The following GLIS1 variants were observed in gnomAD, a reference collection of about 807,000 sequenced individuals.
GLIS1 encodes GLIS family zinc finger 1, also known as zinc finger protein GLIS1.
A neutral mutation model predicts 63.8 loss-of-function variants in GLIS1; 24 were observed. The ratio of observed to expected loss-of-function variants is 0.38; its 90% CI spans 0.27 to 0.53. The LOEUF (loss-of-function observed/expected upper bound fraction) is 0.53, where lower values mean the gene tolerates loss of function less well. Among genes scored for constraint, GLIS1 ranks in the 20% least tolerant of loss-of-function variants. GLIS1 has a pLI of 0.85. For synonymous variants in GLIS1, 450 were observed against 482.5 expected, an observed-to-expected ratio of 0.93 and a Z score of 0.88; for missense variants, 1,036 against 1,074.1, an observed-to-expected ratio of 0.96 and a Z score of 0.50.
intron 2 of GLIS1, among the ~76,000 whole-genome samples, chr1:53,721,646 C>T (rs2100551090): frequency 6.6e-6 from 1 of 152,258 alleles, no homozygotes; most frequent in South Asian, 2.1e-4. Flanking sequence ...TGTCTAAAGC[C>T]TTATTTTATT....
chr1:53,547,175 G>A (rs545735523), intron 4 of GLIS1, among the ~76,000 whole-genome samples: 30 of 152,330 alleles, frequency 2.0e-4, no homozygotes, highest in African/African-American at 6.7e-4. Context: ...GTTAGAGGAC[G>A]TCTACCCATT....
intron 6 of GLIS1, among the ~76,000 whole-genome samples, chr1:53,523,235 G>T (rs939690847): frequency 6.6e-6 from 1 of 152,076 alleles, no homozygotes; most frequent in Non-Finnish European, 1.5e-5. Context: ...TCACCAGAAA[G>T]CTCATGGCGC....
intron 2 of GLIS1, among the ~76,000 whole-genome samples, chr1:53,619,303 G>C (rs2100592026): frequency 6.6e-6 from 1 of 152,300 alleles, no homozygotes; most frequent in South Asian, 2.1e-4. Context: ...TGACAACATG[G>C]ACCAGAACTG....
At chr1:53,612,378 T>G (rs1285146019) in intron 2 of GLIS1, among the ~76,000 whole-genome samples, 3 of 152,130 alleles carry the variant, frequency 2.0e-5, no homozygotes, top group African/African-American at 7.2e-5. Flanking sequence ...TAGCTGGGAC[T>G]ACAGGTGCCC....
chr1:53,530,095 C>T, intron 4 of GLIS1, 143 bp from the exon 5 acceptor site: 1 of 723,146 alleles, frequency 1.4e-6, no homozygotes. Context: ...GGATCAGCTC[C>T]CCATGAAGTG....
chr1:53,562,377 G>C (rs566687100), intron 4 of GLIS1, among the ~76,000 whole-genome samples: 1 of 152,286 alleles, frequency 6.6e-6, no homozygotes, highest in Non-Finnish European at 1.5e-5. Context: ...GAATGAAACT[G>C]AGATGTCAGA....
chr1:53,564,652 A>G (rs1644921952), intron 4 of GLIS1, among the ~76,000 whole-genome samples: 1 of 152,270 alleles, frequency 6.6e-6, no homozygotes, highest in African/African-American at 2.4e-5. Context: ...TTTAAGGGGT[A>G]GAAAAAGATA....
chr1:53,514,474 G>A, intron 8 of GLIS1, 151 bp downstream of exon 8: 1 of 730,354 alleles, frequency 1.4e-6, no homozygotes. Flanking sequence ...CAAAGTGTGT[G>A]GAATGCAGTC....
chr1:53,551,122 C>T (rs943250019), intron 4 of GLIS1, among the ~76,000 whole-genome samples: 2 of 152,166 alleles, frequency 1.3e-5, no homozygotes, highest in African/African-American at 4.8e-5. Context: ...GCTGGGATTA[C>T]AGGCGTGAGC....
At chr1:53,557,075 A>C (rs958400671) in intron 4 of GLIS1, among the ~76,000 whole-genome samples, 6 of 151,570 alleles carry the variant, frequency 4.0e-5, no homozygotes, top group African/African-American at 1.5e-4. Context: ...GCAGGTGAGC[A>C]TATGTGTGTG....
chr1:53,618,959 C>T (rs1293085509), intron 2 of GLIS1, among the ~76,000 whole-genome samples: 1 of 152,206 alleles, frequency 6.6e-6, no homozygotes, highest in African/African-American at 2.4e-5. Flanking sequence ...GGCTTCAGTT[C>T]CCTTTTCTGT....
At chr1:53,552,200 C>G (rs970661675) in intron 4 of GLIS1, among the ~76,000 whole-genome samples, 20 of 152,148 alleles carry the variant, frequency 1.3e-4, no homozygotes, top group Non-Finnish European at 2.2e-4. Context: ...GTCCCCTAGC[C>G]TCTCCCCTAC....
At chr1:53,725,934 T>A (rs1208714490) in intron 2 of GLIS1, among the ~76,000 whole-genome samples, 1 of 152,204 alleles carries the variant, frequency 6.6e-6, no homozygotes, top group Admixed American at 6.5e-5. Flanking sequence ...GGCAGATTCA[T>A]CCTGCCAGGG....
intron 4 of GLIS1, among the ~76,000 whole-genome samples, chr1:53,555,771 G>A (rs950166046): frequency 1.3e-5 from 2 of 150,702 alleles, no homozygotes; most frequent in African/African-American, 4.9e-5. Flanking sequence ...GTGTGTGCAG[G>A]TGTACTGTAG....
At chr1:53,648,759 A>G (rs1224599124) in intron 2 of GLIS1, among the ~76,000 whole-genome samples, 2 of 152,228 alleles carry the variant, frequency 1.3e-5, no homozygotes, top group South Asian at 2.1e-4. Context: ...GATCCCAGCC[A>G]TATCGAGTTC....
chr1:53,515,120 T>A (rs1644338535), intron 7 of GLIS1, among the ~76,000 whole-genome samples: 4 of 130,526 alleles, frequency 3.1e-5, no homozygotes, highest in Non-Finnish European at 6.7e-5. Context: ...TGTGTGTGTG[T>A]TCTGAGATGG....
chr1:53,539,522 A>G lies in GLIS1; in HGVS notation c.1321-9570T>C, dbSNP rs1477607079. On this transcript the variant is annotated intron_variant, in intron 4 of 10. Coordinates refer to ENST00000628545, the MANE Select transcript of GLIS1 (RefSeq NM_001367484.1). The surrounding 1 kb of genome is among the most constrained non-coding windows in gnomAD (Gnocchi z 5.0). ...CCCCAACATACACACACCACACCACACACACACATACCACACGGTATACAC... is the reference window on the plus strand; with the variant it reads ...CCCCAACATACACACACCACACCACGCACACACATACCACACGGTATACAC... Among the ~76,000 whole-genome samples, 4 of 55,016 alleles carry G rather than the reference A, an allele frequency of 7.3e-5. No individual in the cohort carries two copies. In the East Asian group the frequency reaches 1.5e-3, roughly 21 times the overall value. 36.1% of individuals were successfully genotyped at this position (55,016 alleles called of 152,430 possible). A position where few individuals can be genotyped will look rare whatever the true frequency, so the allele number is the denominator to read the frequency against.
At chr1:53,565,114 G>A (rs1644926219) in intron 4 of GLIS1, among the ~76,000 whole-genome samples, 1 of 151,908 alleles carries the variant, frequency 6.6e-6, no homozygotes, top group Non-Finnish European at 1.5e-5. Flanking sequence ...TCCTATGTTT[G>A]GAAAATTAAA....
At chr1:53,545,610 A>G (rs984391649) in intron 4 of GLIS1, among the ~76,000 whole-genome samples, 1 of 152,164 alleles carries the variant, frequency 6.6e-6, no homozygotes, top group Non-Finnish European at 1.5e-5. Context: ...ATATTAAACA[A>G]TGGTTATTTC....
Sources: allele counts gnomAD v4.1 joint callset (sites outside exome capture counted in the v4.1 genomes callset), GRCh38; gene constraint gnomAD v4.1.1; non-coding constraint Gnocchi (gnomAD v3.1); transcripts MANE v1.5; gene names NCBI Gene and HGNC (gene_info 2026-07-23, HGNC 2026-07-21).